EPC1: variants seen among roughly 807,000 people sequenced by gnomAD.
EPC1 encodes enhancer of polycomb 1.
In EPC1, 12 loss-of-function variants were observed where a neutral mutation model predicts 98.4. That is an observed-to-expected ratio of 0.12 (90% CI 0.08 to 0.20). The LOEUF is 0.20. Among genes scored for constraint, EPC1 ranks in the 10% least tolerant of loss-of-function variants. The probability of loss-of-function intolerance (pLI) is 1.00; values close to 1 mark genes in which losing one functional copy is unlikely to be tolerated. For missense variants in EPC1, 729 were observed against 990.5 expected, an observed-to-expected ratio of 0.74 and a Z score of 3.54; for synonymous variants, 357 against 363.9, an observed-to-expected ratio of 0.98 and a Z score of 0.21.
upstream of EPC1, chr10:32,347,249 C>T: frequency 2.6e-6 from 3 of 1,175,048 alleles, no homozygotes; most frequent in Non-Finnish European, 2.1e-6. Context: ...GGCTCGAGGC[C>T]GGCGCCGGCA....
chr10:32,308,460 C>T (rs146106107), intron 1 of EPC1, among the ~76,000 whole-genome samples: 1,706 of 151,920 alleles, frequency 0.011, 28 homozygotes, highest in Middle Eastern at 0.048. Context: ...ATTACCACAT[C>T]CTCCCACCTC....
chr10:32,370,253 C>T (rs1430682059), intron 1 of EPC1, among the ~76,000 whole-genome samples: 2 of 152,110 alleles, frequency 1.3e-5, no homozygotes, highest in Admixed American at 6.5e-5. Context: ...GTTTCACTGT[C>T]ATTAATCTTT....
chr10:32,307,589 C>A (rs1461978407), intron 1 of EPC1, among the ~76,000 whole-genome samples: 1 of 152,168 alleles, frequency 6.6e-6, no homozygotes, highest in East Asian at 1.9e-4. Context: ...TGCCTAATGA[C>A]TCCTGGGAGC....
intron 1 of EPC1, chr10:32,345,592 A>AT (rs1838717141): frequency 1.0e-6 from 1 of 985,432 alleles, no homozygotes. Flanking sequence ...ATTCCTTAGG[A>AT]TTAGAAGTCA....
chr10:32,354,757 A>G (rs1314952067), intron 1 of EPC1, among the ~76,000 whole-genome samples: 5 of 152,098 alleles, frequency 3.3e-5, no homozygotes, highest in Admixed American at 6.5e-5. Context: ...CTTCATCTGT[A>G]TTTACAGCCA....
chr10:32,289,954 G>A (rs959904645), intron 6 of EPC1, among the ~76,000 whole-genome samples: 8 of 151,970 alleles, frequency 5.3e-5, no homozygotes, highest in Non-Finnish European at 1.0e-4. Flanking sequence ...AATGCATAAC[G>A]TACTTTTTCC....
At chr10:32,273,997 A>C (rs1221366233) in intron 10 of EPC1, 4 of 152,144 alleles carry the variant, frequency 2.6e-5, no homozygotes, top group Non-Finnish European at 4.4e-5. Flanking sequence ...GAGGAAAGAC[A>C]CTGTGTTATG....
chr10:32,342,186 A>G (rs1042591345), intron 1 of EPC1, among the ~76,000 whole-genome samples: 1 of 152,214 alleles, frequency 6.6e-6, no homozygotes, highest in Non-Finnish European at 1.5e-5. Context: ...TTCTACTATA[A>G]TTGAGATTTC....
At chr10:32,321,279 G>A (rs1836896004) in intron 1 of EPC1, among the ~76,000 whole-genome samples, 1 of 152,144 alleles carries the variant, frequency 6.6e-6, no homozygotes, top group African/African-American at 2.4e-5. Flanking sequence ...ACAGACTGTA[G>A]GGCCAGCGAA....
chr10:32,373,805 C>T (rs1480663205), intron 1 of EPC1, among the ~76,000 whole-genome samples: 1 of 152,164 alleles, frequency 6.6e-6, no homozygotes, highest in Non-Finnish European at 1.5e-5. Context: ...ATTGTTGAAC[C>T]AAATCTAAAA....
At chr10:32,365,819 CAAAAAAAAAAAAAAAAAAAAA>C (rs55769539) in intron 1 of EPC1, among the ~76,000 whole-genome samples, 1 of 38,428 alleles carries the variant, frequency 2.6e-5, no homozygotes, top group South Asian at 1.4e-3. Flanking sequence ...CTCCGTCTCA[CAAAAAAAAAAAAAAAAAAAAA>C]AAAAAAAAAA....
chr10:32,327,107 T>C (rs1018663990), intron 1 of EPC1, among the ~76,000 whole-genome samples: 1 of 146,292 alleles, frequency 6.8e-6, no homozygotes, highest in Non-Finnish European at 1.5e-5. Flanking sequence ...TGGAATAATA[T>C]TCAGCTACAA....
At chr10:32,286,456 GT>G in intron 9 of EPC1, 1 of 500,802 alleles carries the variant, frequency 2.0e-6, no homozygotes. Context: ...TTTATCTGAG[GT>G]TTTCCACCTT....
intron 1 of EPC1, among the ~76,000 whole-genome samples, chr10:32,365,819 CAAAAAAAAAAAAAAAAAAAA>C (rs55769539): frequency 5.2e-5 from 2 of 38,432 alleles, no homozygotes; most frequent in South Asian, 1.4e-3. Flanking sequence ...CTCCGTCTCA[CAAAAAAAAAAAAAAAAAAAA>C]AAAAAAAAAA....
At chr10:32,274,813 T>A (rs890676659) in intron 10 of EPC1, among the ~76,000 whole-genome samples, 1 of 152,204 alleles carries the variant, frequency 6.6e-6, no homozygotes, top group Non-Finnish European at 1.5e-5. Flanking sequence ...AAATGTGTTA[T>A]ACCAAAACTT....
At chr10:32,277,651 C>T (rs1454691270) in intron 10 of EPC1, among the ~76,000 whole-genome samples, 3 of 152,108 alleles carry the variant, frequency 2.0e-5, no homozygotes, top group Non-Finnish European at 4.4e-5. Context: ...CCTTGACCTC[C>T]TTGGGCTCAA....
rs1483977481 is a variant in EPC1 at position 32,268,130 on chromosome 10, TAAA to T, written c.*930_*932del. ...TGAAGTCTTTTAAACAATTCGACAA[TAAA>T]AAAGTACAATTTTTTTTGTGCTAAA... On this transcript the variant is annotated 3_prime_UTR_variant, in exon 14 of 14. Transcript: ENST00000319778. The T allele has an allele frequency of 6.6e-6, 1 of 152,162 alleles. No individual in the cohort carries two copies. 9.4% of individuals were successfully genotyped at this position (152,162 alleles called of 1,614,324 possible). A position where few individuals can be genotyped will look rare whatever the true frequency, so the allele number is the denominator to read the frequency against.
chr10:32,358,744 T>C (rs1350572555), intron 1 of EPC1, among the ~76,000 whole-genome samples: 2 of 152,076 alleles, frequency 1.3e-5, no homozygotes, highest in Non-Finnish European at 2.9e-5. Context: ...GTGCCAAGTC[T>C]ACACAAATGA....
At chr10:32,319,161 T>C (rs1292164455) in intron 1 of EPC1, among the ~76,000 whole-genome samples, 1 of 152,204 alleles carries the variant, frequency 6.6e-6, no homozygotes, top group African/African-American at 2.4e-5. Flanking sequence ...ACAATGATTA[T>C]GTAATACTAT....
Sources: allele counts gnomAD v4.1 joint callset (sites outside exome capture counted in the v4.1 genomes callset), GRCh38; gene constraint gnomAD v4.1.1; transcripts MANE v1.5; gene names NCBI Gene and HGNC (gene_info 2026-07-23, HGNC 2026-07-21).